SNX8: variants seen among roughly 807,000 people sequenced by gnomAD.
SNX8 encodes sorting nexin 8.
SNX8 carries 25 observed loss-of-function variants against 51.6 expected under a neutral mutation model. That is an observed-to-expected ratio of 0.48 (90% CI 0.35 to 0.68). The LOEUF is 0.68. SNX8 is among the 30% of genes least tolerant of loss of function. The pLI is 0.00. For missense variants in SNX8, 695 were observed against 624.0 expected, an observed-to-expected ratio of 1.11 and a Z score of -1.21; for synonymous variants, 324 against 277.0, an observed-to-expected ratio of 1.17 and a Z score of -1.68.
At chr7:2,325,403 C>G (rs1161886470) in intron 1 of SNX8, among the ~76,000 whole-genome samples, 1 of 152,116 alleles carries the variant, frequency 6.6e-6, no homozygotes, top group Admixed American at 6.6e-5. Context: ...CTAGTGAGGA[C>G]TTTTAGAAGG....
intron 5 of SNX8, among the ~76,000 whole-genome samples, chr7:2,268,736 G>GC (rs1387169789): frequency 5.8e-5 from 1 of 17,322 alleles, no homozygotes; most frequent in Admixed American, 4.8e-4. Context: ...GGGGGGGTCA[G>GC]CCCCCCAGCC....
chr7:2,309,632 G>A (rs1796620498), intron 1 of SNX8, among the ~76,000 whole-genome samples: 1 of 152,198 alleles, frequency 6.6e-6, no homozygotes, highest in African/African-American at 2.4e-5. Flanking sequence ...TCAGGAGGCT[G>A]AGGCAAGAGA....
At chr7:2,306,358 C>T (rs1050541439) in intron 1 of SNX8, among the ~76,000 whole-genome samples, 2 of 151,710 alleles carry the variant, frequency 1.3e-5, no homozygotes, top group Admixed American at 6.6e-5. Context: ...AATCCAGCCA[C>T]CTCAGCCTCC....
intron 1 of SNX8, among the ~76,000 whole-genome samples, chr7:2,306,496 T>G (rs1796548344): frequency 6.6e-6 from 1 of 152,192 alleles, no homozygotes; most frequent in Non-Finnish European, 1.5e-5. Context: ...GAAATTTTTT[T>G]TAACTGAAAT....
At chr7:2,270,427 G>A (rs1441948334) in intron 4 of SNX8, among the ~76,000 whole-genome samples, 1 of 150,620 alleles carries the variant, frequency 6.6e-6, no homozygotes, top group East Asian at 2.0e-4. Context: ...AGGGGTTCAG[G>A]GCCAGCCTGG....
chr7:2,290,087 G>A (rs1342901069), intron 1 of SNX8, among the ~76,000 whole-genome samples: 1 of 152,152 alleles, frequency 6.6e-6, no homozygotes, highest in African/African-American at 2.4e-5. Flanking sequence ...CAGCTACTCA[G>A]GAGGCTGAGG....
intron 7 of SNX8, among the ~76,000 whole-genome samples, chr7:2,259,686 AAG>A (rs1335583122): frequency 6.6e-6 from 1 of 152,220 alleles, no homozygotes; most frequent in Non-Finnish European, 1.5e-5. Context: ...GAGGTGTGTT[AAG>A]AGTTTCTAAA....
intron 1 of SNX8, among the ~76,000 whole-genome samples, chr7:2,278,560 A>G (rs1562434620): frequency 6.6e-6 from 1 of 152,182 alleles, no homozygotes; most frequent in Non-Finnish European, 1.5e-5. Context: ...CACGTCATGC[A>G]ACAGGTCCCA....
intron 1 of SNX8, among the ~76,000 whole-genome samples, chr7:2,304,373 T>C (rs1008706169): frequency 6.7e-6 from 1 of 148,552 alleles, no homozygotes; most frequent in African/African-American, 2.5e-5. Context: ...TGAAACCCCA[T>C]CTCCACTAAA....
chr7:2,350,263 T>G (rs1404669386), intron 1 of SNX8, among the ~76,000 whole-genome samples: 2 of 152,088 alleles, frequency 1.3e-5, no homozygotes, highest in Non-Finnish European at 2.9e-5. Context: ...ACGTTGAGGC[T>G]CTCTTGATAG....
At chr7:2,339,543 T>A (rs1042619295) in intron 1 of SNX8, among the ~76,000 whole-genome samples, 1 of 152,114 alleles carries the variant, frequency 6.6e-6, no homozygotes, top group African/African-American at 2.4e-5. Context: ...GACCTAGAAC[T>A]ATTCACAGAT....
intron 10 of SNX8, among the ~76,000 whole-genome samples, chr7:2,255,886 G>C (rs567608297): frequency 1.3e-5 from 2 of 152,238 alleles, no homozygotes; most frequent in Admixed American, 6.5e-5. Context: ...AAGACCTGCC[G>C]TGCAGGGGCT....
At chr7:2,334,618 C>T (rs529486970) in intron 1 of SNX8, among the ~76,000 whole-genome samples, 1 of 149,952 alleles carries the variant, frequency 6.7e-6, no homozygotes, top group Admixed American at 6.7e-5. Context: ...GGGAGGATCA[C>T]GAGCCCAGGA....
At chr7:2,267,503 G>A (rs866619336) in intron 5 of SNX8, among the ~76,000 whole-genome samples, 3 of 127,654 alleles carry the variant, frequency 2.4e-5, no homozygotes, top group African/African-American at 5.5e-5. Flanking sequence ...TGGTGGAGAC[G>A]GGGTTTCGCT....
At chr7:2,273,344 G>T (rs183476352) in intron 3 of SNX8, among the ~76,000 whole-genome samples, 1 of 151,910 alleles carries the variant, frequency 6.6e-6, no homozygotes, top group African/African-American at 2.4e-5. Flanking sequence ...CAGCACTTTG[G>T]GAGGCTGAGG....
chr7:2,308,588 C>T (rs1266995128), intron 1 of SNX8, among the ~76,000 whole-genome samples: 1 of 148,080 alleles, frequency 6.8e-6, no homozygotes, highest in Non-Finnish European at 1.5e-5. Flanking sequence ...GTCACTTGAA[C>T]CTAGGAGATG....
chr7:2,299,093 A>T (rs1404017314), intron 1 of SNX8, among the ~76,000 whole-genome samples: 1 of 151,972 alleles, frequency 6.6e-6, no homozygotes, highest in Non-Finnish European at 1.5e-5. Context: ...CTCCCCAGAG[A>T]GCTAGGTTCC....
At chr7:2,351,831 A>G (rs1252593261) in intron 1 of SNX8, among the ~76,000 whole-genome samples, 1 of 151,828 alleles carries the variant, frequency 6.6e-6, no homozygotes, top group African/African-American at 2.4e-5. Flanking sequence ...ACTCCATCTC[A>G]AAAAATAAAT....
intron 8 of SNX8, 102 bp from the exon 9 acceptor site, chr7:2,257,616 C>T (rs1795222831): frequency 1.9e-6 from 3 of 1,570,758 alleles, no homozygotes; most frequent in Non-Finnish European, 1.7e-6. Flanking sequence ...AAGGCCCCGT[C>T]TTCCCCTGCA....
Sources: gnomAD v4.1 joint callset for allele counts (sites outside exome capture counted in the v4.1 genomes callset) on GRCh38, gnomAD v4.1.1 for gene constraint, MANE v1.5 for transcripts, NCBI Gene and HGNC (gene_info 2026-07-23, HGNC 2026-07-21) for gene names.